The following UNC13A variants were observed in gnomAD, a reference collection of about 807,000 sequenced individuals.
The protein encoded by UNC13A is protein unc-13 homolog A.
Under a neutral mutation model 219.7 loss-of-function variants are expected in UNC13A, and 61 were observed. The ratio of observed to expected loss-of-function variants is 0.28; its 90% CI spans 0.23 to 0.34. The LOEUF (loss-of-function observed/expected upper bound fraction) is 0.34. UNC13A is among the 10% of genes least tolerant of loss of function. The probability of loss-of-function intolerance (pLI) is 1.00; values close to 1 mark genes in which losing one functional copy is unlikely to be tolerated. For synonymous variants in UNC13A, 920 were observed against 884.6 expected, an observed-to-expected ratio of 1.04 and a Z score of -0.71; for missense variants, 1,476 against 2,270.3, an observed-to-expected ratio of 0.65 and a Z score of 7.11.
chr19:17,650,461 C>T (rs1347672673), intron 12 of UNC13A, among the ~76,000 whole-genome samples: 3 of 152,028 alleles, frequency 2.0e-5, no homozygotes, highest in Admixed American at 6.6e-5. Flanking sequence ...TGCAGTGAGT[C>T]GAGATCACGC....
At chr19:17,664,300 A>T (rs1375420039) in intron 7 of UNC13A, among the ~76,000 whole-genome samples, 1 of 152,190 alleles carries the variant, frequency 6.6e-6, no homozygotes, top group African/African-American at 2.4e-5. Context: ...GGATTTTATC[A>T]TTCTACTCAT....
At chr19:17,653,483 G>A (rs918605489) in intron 11 of UNC13A, among the ~76,000 whole-genome samples, 1 of 151,876 alleles carries the variant, frequency 6.6e-6, no homozygotes, top group Non-Finnish European at 1.5e-5. Context: ...TAGTAGCTGG[G>A]ATTACAGGTG....
In UNC13A at chr19:17,658,364, G is replaced by A. The variant is rs575879603; in HGVS notation, c.560-95C>T. On this transcript the variant is annotated intron_variant, in intron 8 of 43. Transcript: ENST00000519716. Reference sequence around the variant, plus strand: ...TTCCCAGACTTACGGTGCCGCTACCGAAGAAGAGAATTTTTTACTAGTATG... The same window carrying A: ...TTCCCAGACTTACGGTGCCGCTACCAAAGAAGAGAATTTTTTACTAGTATG... 203 of 1,200,652 alleles carry A rather than the reference G, an allele frequency of 1.7e-4. No individual in the cohort carries two copies. In the African/African-American group the frequency reaches 2.1e-3, roughly 12 times the overall value. 74.4% of individuals were successfully genotyped at this position (1,200,652 alleles called of 1,614,324 possible). A position where few individuals can be genotyped will look rare whatever the true frequency, so the allele number is the denominator to read the frequency against.
chr19:17,606,841 C>T (rs866018296), intron 43 of UNC13A, among the ~76,000 whole-genome samples: 5 of 151,094 alleles, frequency 3.3e-5, no homozygotes, highest in Admixed American at 6.6e-5. Flanking sequence ...TCCAAGATGC[C>T]CTCCAGACAT....
At position 17,650,693 on chromosome 19, in the gene UNC13A, G is replaced by A. The variant is rs947642894; in HGVS notation, c.1440-1106C>T. Among the ~76,000 whole-genome samples the A allele has an allele frequency of 2.0e-5, 3 of 151,750 alleles. 1 individual carries two copies. Among genetic ancestry groups the A allele is most frequent in the African/African-American group, 7.2e-5 (3 of 41,424 alleles). ...AGCTTTCACCATGTTGGCCAGGCTG[G>A]TCTCGAACTCCTGACCTCAGGCGAT... On this transcript the variant is annotated intron_variant, in intron 12 of 43. Transcript: ENST00000519716.
At chr19:17,640,452 T>A in intron 22 of UNC13A, 59 bp downstream of exon 22, 1 of 1,512,738 alleles carries the variant, frequency 6.6e-7, no homozygotes. Flanking sequence ...TCACATCAGA[T>A]CTGACCGGCA....
At chr19:17,648,095 C>A (rs1242853025) in intron 16 of UNC13A, among the ~76,000 whole-genome samples, 2 of 149,254 alleles carry the variant, frequency 1.3e-5, no homozygotes, top group African/African-American at 2.5e-5. Flanking sequence ...AGAGCTACCC[C>A]TAGCTAACCC....
intron 1 of UNC13A, among the ~76,000 whole-genome samples, chr19:17,687,655 G>C (rs975116128): frequency 1.3e-5 from 2 of 151,960 alleles, no homozygotes; most frequent in Admixed American, 1.3e-4. Context: ...TGGATGCCCT[G>C]ATGGCCAAGC....
At chr19:17,629,999 T>A in intron 30 of UNC13A, 146 bp downstream of exon 30, 1 of 952,432 alleles carries the variant, frequency 1.0e-6, no homozygotes. Context: ...AACTCCAACC[T>A]CAACCCAAAC....
intron 1 of UNC13A, among the ~76,000 whole-genome samples, chr19:17,680,414 G>A (rs1018069819): frequency 6.6e-6 from 1 of 152,180 alleles, no homozygotes; most frequent in Admixed American, 6.5e-5. Context: ...GAGGCGCGCC[G>A]GCGGACAGGG....
In UNC13A at chr19:17,606,346, C is replaced by A; in HGVS notation, c.4820G>T (p.Ser1607Ile). ...KYNESFQFTLSADAGPECYEL... is the reference protein window; with the variant it reads ...KYNESFQFTLIADAGPECYEL... ...ATAGCACTCGGGACCCGCGTCGGCG[C>A]TCAGCGTGCTGCGTGGGGAGGGGCG... Residue 1607 changes from serine (S) to isoleucine (I), a missense_variant, in exon 44 of 44, where the codon AGC (serine) becomes ATC (isoleucine). Coordinates refer to ENST00000519716, the MANE Select transcript of UNC13A (RefSeq NM_001080421.3). 6.5e-7 allele frequency: 1 copy of A among 1,544,904 alleles called. No homozygotes were observed. Among genetic ancestry groups the A allele is most frequent in the Non-Finnish European group, 8.7e-7 (1 of 1,147,164 alleles).
chr19:17,670,407 A>AT (rs1405089049), intron 4 of UNC13A, among the ~76,000 whole-genome samples: 2 of 150,410 alleles, frequency 1.3e-5, no homozygotes, highest in African/African-American at 4.9e-5. Flanking sequence ...CTCCTGGCTA[A>AT]TTTTTTGTAT....
chr19:17,657,156 G>A (rs2079472048), intron 9 of UNC13A, among the ~76,000 whole-genome samples: 1 of 152,006 alleles, frequency 6.6e-6, no homozygotes, highest in South Asian at 2.1e-4. Flanking sequence ...TCCTACCATG[G>A]CTCCCTAGTG....
chr19:17,636,667 G>A (rs1473764150), intron 25 of UNC13A, among the ~76,000 whole-genome samples: 2 of 151,986 alleles, frequency 1.3e-5, no homozygotes, highest in South Asian at 2.1e-4. Context: ...AAATCGACTC[G>A]AACTCAACTC....
At position 17,602,072 on chromosome 19, in the gene UNC13A, G is replaced by A. The variant is rs752068647; in HGVS notation, c.*3982C>T. ...AGAGGTCCCAAGGATTTCTAGTTGG[G>A]TGTTTAGTTTTTTGCATCTCTGATG... On this transcript the variant is annotated 3_prime_UTR_variant, in exon 44 of 44. Transcript: ENST00000519716. 1 of 152,634 alleles carries A rather than the reference G, an allele frequency of 6.6e-6. No homozygotes were observed. Among genetic ancestry groups the A allele is most frequent in the African/African-American group, 2.4e-5 (1 of 41,482 alleles). 9.5% of individuals were successfully genotyped at this position (152,634 alleles called of 1,614,324 possible).
intron 11 of UNC13A, among the ~76,000 whole-genome samples, chr19:17,653,821 C>CTTTT (rs57243215): frequency 5.1e-5 from 4 of 78,268 alleles, no homozygotes; most frequent in Admixed American, 1.6e-4. Flanking sequence ...TATCACTTCT[C>CTTTT]TTTTTTTTTT....
intron 4 of UNC13A, among the ~76,000 whole-genome samples, 188 bp from the exon 5 acceptor site, chr19:17,669,864 C>T (rs2079746551): frequency 1.4e-5 from 2 of 143,408 alleles, no homozygotes; most frequent in East Asian, 4.7e-4. Flanking sequence ...CTGCTTCCTT[C>T]CTTTCTTTCT....
At chr19:17,635,497 T>A (rs148138535) in intron 26 of UNC13A, among the ~76,000 whole-genome samples, 1 of 152,022 alleles carries the variant, frequency 6.6e-6, no homozygotes, top group African/African-American at 2.4e-5. Context: ...AATCCACAAA[T>A]GAAAACTGTG....
chr19:17,648,682 C>T (rs370508809), intron 15 of UNC13A, 32 bp from the exon 16 acceptor site: 1 of 1,585,164 alleles, frequency 6.3e-7, no homozygotes, highest in South Asian at 1.1e-5. Flanking sequence ...GGTTTGGGGG[C>T]GCCTAACCTG....
Sources: gnomAD v4.1 joint callset for allele counts (sites outside exome capture counted in the v4.1 genomes callset) on GRCh38, gnomAD v4.1.1 for gene constraint, MANE v1.5 for transcripts, NCBI Gene and HGNC (gene_info 2026-07-23, HGNC 2026-07-21) for gene names.